ZNF566: variants seen among roughly 807,000 people sequenced by gnomAD.
ZNF566 encodes the protein zinc finger protein 566.
ZNF566 carries 27 observed loss-of-function variants against 32.8 expected under a neutral mutation model. That is an observed-to-expected ratio of 0.82 (90% confidence interval 0.61 to 1.14). ZNF566 has a LOEUF of 1.14. Ranked by LOEUF, ZNF566 falls within the 50% of genes most tolerant of loss-of-function variation. The pLI is 0.00. For missense variants in ZNF566, 402 were observed against 490.4 expected, an observed-to-expected ratio of 0.82 and a Z score of 1.70; for synonymous variants, 154 against 159.5, an observed-to-expected ratio of 0.97 and a Z score of 0.26.
intron 4 of ZNF566, among the ~76,000 whole-genome samples, chr19:36,468,679 TGAGTGGTGGGATCACTTGAGCCCAG>T (rs1213375613): frequency 2.0e-5 from 3 of 151,196 alleles, no homozygotes; most frequent in East Asian, 1.9e-4. Flanking sequence ...TTCTGGAGCC[TGAGTGGTGGGATCACTTGAGCCCAG>T]GAGTTCCAGA....
At chr19:36,473,178 G>C (rs2145686842) in intron 3 of ZNF566, 154 bp downstream of exon 3, 1 of 1,113,820 alleles carries the variant, frequency 9.0e-7, no homozygotes, top group East Asian at 2.4e-5. Context: ...ACTCAATGCA[G>C]CTTCCTTTTT....
chr19:36,472,408 C>G (rs755648548), intron 4 of ZNF566, among the ~76,000 whole-genome samples: 1 of 152,168 alleles, frequency 6.6e-6, no homozygotes. Flanking sequence ...TCTGAAATTG[C>G]TTATTCCTTT....
intron 4 of ZNF566, among the ~76,000 whole-genome samples, chr19:36,455,005 C>T (rs979203974): frequency 2.6e-5 from 4 of 152,228 alleles, no homozygotes; most frequent in Non-Finnish European, 5.9e-5. Context: ...AATTCAACAG[C>T]ACATTAAAAG....
intron 1 of ZNF566, among the ~76,000 whole-genome samples, chr19:36,481,960 A>G (rs926377886): frequency 6.6e-6 from 1 of 152,220 alleles, no homozygotes; most frequent in African/African-American, 2.4e-5. Flanking sequence ...CAATGTACAA[A>G]AGAGTGCCTA....
At chr19:36,453,733 A>G (rs2145641124) in intron 4 of ZNF566, among the ~76,000 whole-genome samples, 1 of 152,058 alleles carries the variant, frequency 6.6e-6, no homozygotes, top group Non-Finnish European at 1.5e-5. Context: ...AGCCCAGGCC[A>G]CAGTCCTCAC....
Position 36,476,296 on chromosome 19 carries a change from A to G in ZNF566, c.9+253T>C. 8.2e-6 allele frequency: 3 copies of G among 366,892 alleles called. No homozygotes were observed. In the East Asian group the frequency reaches 1.7e-4, roughly 20 times the overall value. 22.7% of individuals were successfully genotyped at this position (366,892 alleles called of 1,614,324 possible). On this transcript the variant is annotated intron_variant, in intron 2 of 4. Transcript: ENST00000452939. ...ACTCCAGCCTAGAAGACAGAGCGAG[A>G]CTCCATCTCGAAAAAAAAAAAAAAA...
chr19:36,449,486 T>C lies in ZNF566; in HGVS notation c.748A>G (p.Thr250Ala). 2 of 1,614,164 alleles carry C rather than the reference T, an allele frequency of 1.2e-6. No individual in the cohort carries two copies. Among genetic ancestry groups the C allele is most frequent in the Non-Finnish European group, 1.7e-6 (2 of 1,180,022 alleles). ...SDLTRHHRIH[T>A]GEKPYECKEC... The stretch of plus-strand genomic sequence containing the variant: ...TTACATTCATAGGGTTTCTCACCAG[T>C]GTGAATTCTGTGATGTCGAGTAAGG... Residue 250 changes from threonine to alanine, a missense_variant, in exon 5 of 5, where the codon ACT (threonine) becomes GCT (alanine). Transcript: ENST00000452939.
chr19:36,450,134 T>TGTGATTAGGA (rs1340131477), intron 4 of ZNF566, 133 bp from the exon 5 acceptor site: 2 of 711,040 alleles, frequency 2.8e-6, no homozygotes, highest in African/African-American at 1.8e-5. Context: ...GAAGACAGGT[T>TGTGATTAGGA]ACATAATAAG....
At chr19:36,477,399 T>A (rs1467107917) in intron 1 of ZNF566, among the ~76,000 whole-genome samples, 1 of 152,136 alleles carries the variant, frequency 6.6e-6, no homozygotes, top group African/African-American at 2.4e-5. Flanking sequence ...GTAATAAATA[T>A]CCTTGTGCAT....
At chr19:36,476,501 C>A in intron 2 of ZNF566, 48 bp downstream of exon 2, 1 of 1,526,832 alleles carries the variant, frequency 6.5e-7, no homozygotes, top group South Asian at 1.1e-5. Context: ...TTTACAGTTA[C>A]TAGAAGTAAA....
At chr19:36,476,423 A>C in intron 2 of ZNF566, 126 bp downstream of exon 2, 1 of 780,066 alleles carries the variant, frequency 1.3e-6, no homozygotes, top group Non-Finnish European at 2.0e-6. Context: ...GACATTGCTC[A>C]TAACCAAACT....
chr19:36,448,902 G>A lies in ZNF566; in HGVS notation c.*75C>T. On this transcript the variant is annotated 3_prime_UTR_variant, in exon 5 of 5. Transcript: ENST00000452939. ...TGTTTCTACATTATTCTATCTAGAG[G>A]AATTATTAACAAGATAAATTCTGTT... 1 of 1,224,408 alleles carries A rather than the reference G, an allele frequency of 8.2e-7. No homozygotes were observed. The highest frequency in any genetic ancestry group is 1.1e-6 in the Non-Finnish European group (1 of 891,082). 75.8% of individuals were successfully genotyped at this position (1,224,408 alleles called of 1,614,324 possible). A position where few individuals can be genotyped will look rare whatever the true frequency, so the allele number is the denominator to read the frequency against.
chr19:36,486,532 G>A (rs185380314), intron 1 of ZNF566, among the ~76,000 whole-genome samples: 14 of 152,150 alleles, frequency 9.2e-5, no homozygotes, highest in African/African-American at 2.6e-4. Flanking sequence ...TTAGCTGGCC[G>A]TGGTGGCGCA....
At chr19:36,459,704 G>C (rs560810565) in intron 4 of ZNF566, among the ~76,000 whole-genome samples, 1 of 150,984 alleles carries the variant, frequency 6.6e-6, no homozygotes, top group East Asian at 1.9e-4. Context: ...TAAAGACGGG[G>C]TTTCACCATG....
In ZNF566 at chr19:36,449,265, G is replaced by A. The variant is rs747773354; in HGVS notation, c.969C>T (p.Ser323=). The A allele has an allele frequency of 9.3e-6, 15 of 1,613,938 alleles. No homozygotes were observed. The highest frequency in any genetic ancestry group is 1.6e-4 in the Middle Eastern group (1 of 6,084). The change falls in exon 5 of 5, where the codon AGC becomes AGT. Residue 323 remains serine (S), a synonymous_variant. Transcript: ENST00000452939. The stretch of plus-strand genomic sequence containing the variant: ...TTCTTTGATGTTTAATAAGTTGTGA[G>A]CTCTGACTAAAGGCATTGCCACATT... ...CKECGNAFSQ[S]SQLIKHQRIH...
At chr19:36,476,698 T>C in intron 1 of ZNF566, 82 bp from the exon 2 acceptor site, 2 of 1,188,676 alleles carry the variant, frequency 1.7e-6, no homozygotes, top group Non-Finnish European at 1.2e-6. Flanking sequence ...CTTCTGTTCA[T>C]GCTTCAGAAA....
At chr19:36,453,290 T>C (rs1414735421) in intron 4 of ZNF566, among the ~76,000 whole-genome samples, 3 of 151,546 alleles carry the variant, frequency 2.0e-5, no homozygotes, top group Non-Finnish European at 4.4e-5. Context: ...CTGGCCAACA[T>C]TGTGAAACCC....
At chr19:36,459,502 C>T (rs1425059668) in intron 4 of ZNF566, among the ~76,000 whole-genome samples, 2 of 151,354 alleles carry the variant, frequency 1.3e-5, no homozygotes, top group South Asian at 2.1e-4. Flanking sequence ...CGTGAGCCAC[C>T]GCTCCCAGCC....
chr19:36,477,710 T>C (rs1404498305), intron 1 of ZNF566, among the ~76,000 whole-genome samples: 1 of 152,018 alleles, frequency 6.6e-6, no homozygotes, highest in Non-Finnish European at 1.5e-5. Flanking sequence ...GCCTAATTTT[T>C]GTATTTTTAG....
Sources: allele counts gnomAD v4.1 joint callset (sites outside exome capture counted in the v4.1 genomes callset), GRCh38; gene constraint gnomAD v4.1.1; transcripts MANE v1.5; gene names NCBI Gene and HGNC (gene_info 2026-07-23, HGNC 2026-07-21).